PCNX2: variants seen among roughly 807,000 people sequenced by gnomAD.
PCNX2 encodes the protein pecanex 2.
In PCNX2, 168 loss-of-function variants were observed where a neutral mutation model predicts 223.8. The ratio of observed to expected loss-of-function variants is 0.75; its 90% CI spans 0.66 to 0.85. The LOEUF (loss-of-function observed/expected upper bound fraction) is 0.85, where lower values mean the gene tolerates loss of function less well. Ranked by LOEUF, PCNX2 falls within the 40% of genes least tolerant of loss-of-function variation. The pLI is 0.00. For missense variants in PCNX2, 2,507 were observed against 2,675.5 expected, an observed-to-expected ratio of 0.94 and a Z score of 1.39; for synonymous variants, 1,006 against 1,052.6, an observed-to-expected ratio of 0.96 and a Z score of 0.86.
At position 233,000,327 on chromosome 1, in the gene PCNX2, A is replaced by G; in HGVS notation, c.5306T>C (p.Phe1769Ser). ...TACCTTGATCACCTTGAAGCTCAGG[A>G]AGCTTCTGTGGAGCATGATGACCTT... ...EYKVIMLHRS[F>S]LSFKVIKVNK... The change falls in exon 30 of 34, where the codon TTC (phenylalanine) becomes TCC (serine). Residue 1769 changes from phenylalanine (F) to serine (S), a missense_variant. Physicochemically the swap from Phe to Ser is radical, Grantham distance 155. Coordinates refer to ENST00000258229, the MANE Select transcript of PCNX2 (RefSeq NM_014801.4). This position sits in a 1 kb window ranked among gnomAD's most constrained non-coding sequence, Gnocchi z 4.6. The G allele has an allele frequency of 6.2e-7, 1 of 1,613,964 alleles. No homozygotes were observed. The highest frequency in any genetic ancestry group is 8.5e-7 in the Non-Finnish European group (1 of 1,179,866).
the PCNX2 span, among the ~76,000 whole-genome samples, chr1:233,300,908 G>A: frequency 6.6e-6 from 1 of 152,084 alleles, no homozygotes; most frequent in Non-Finnish European, 1.5e-5. Flanking sequence ...TTTGCTTTTA[G>A]TCCATGGGCC....
intron 21 of PCNX2, among the ~76,000 whole-genome samples, chr1:233,096,209 T>A (rs1674155599): frequency 6.6e-6 from 1 of 152,216 alleles, no homozygotes; most frequent in Non-Finnish European, 1.5e-5. Context: ...CAGAAACCTA[T>A]CATCATTTGA....
At chr1:233,200,382 T>TA (rs1681002268) in intron 13 of PCNX2, 118 bp from the exon 14 acceptor site, 31 of 366,124 alleles carry the variant, frequency 8.5e-5, no homozygotes, top group East Asian at 1.4e-4. Flanking sequence ...CTGGAGGCAA[T>TA]CTTTTTTTTT....
At chr1:233,268,399 G>A (rs918192010) in intron 1 of PCNX2, among the ~76,000 whole-genome samples, 3 of 152,164 alleles carry the variant, frequency 2.0e-5, no homozygotes, top group Non-Finnish European at 2.9e-5. Flanking sequence ...AGAATCAACC[G>A]CTGCTGAGGG....
intron 10 of PCNX2, among the ~76,000 whole-genome samples, chr1:233,219,396 C>T (rs1295538055): frequency 6.6e-6 from 1 of 151,864 alleles, no homozygotes; most frequent in Non-Finnish European, 1.5e-5. Context: ...CAGGGTGAGG[C>T]CATGGAAGGA....
At chr1:233,315,929 A>T in the PCNX2 span, among the ~76,000 whole-genome samples, 2 of 152,172 alleles carry the variant, frequency 1.3e-5, no homozygotes, top group Admixed American at 1.3e-4. Context: ...AATAAAACCA[A>T]TTTTCATCAG....
chr1:233,288,804 CTTTT>C (rs10558976), intron 1 of PCNX2: 22,539 of 421,994 alleles, frequency 0.053, 1 homozygote, highest in East Asian at 0.089. Flanking sequence ...GAAAGATGCC[CTTTT>C]TTTTTTTTTT....
rs542997225 is a variant in PCNX2 at position 233,263,437 on chromosome 1, C to T, written c.154-274G>A. Among the ~76,000 whole-genome samples, 419 of 148,220 alleles carry T rather than the reference C, an allele frequency of 2.8e-3. 3 individuals carry two copies. The highest frequency in any genetic ancestry group is 2.0e-3 in the Non-Finnish European group (137 of 67,512). On this transcript the variant is annotated intron_variant, in intron 1 of 33. Transcript: ENST00000258229. ...AACCCCACAGAACAAAAGATATATT[C>T]GAGGAAACCTCTCCATTTTTTTTTT...
intron 10 of PCNX2, among the ~76,000 whole-genome samples, chr1:233,222,231 G>T (rs1338412670): frequency 6.6e-6 from 1 of 152,184 alleles, no homozygotes; most frequent in East Asian, 1.9e-4. Context: ...ATGGAGAAAA[G>T]TCCACAGGGA....
intron 10 of PCNX2, among the ~76,000 whole-genome samples, chr1:233,224,126 T>C (rs986982096): frequency 1.3e-5 from 2 of 152,352 alleles, no homozygotes; most frequent in East Asian, 3.9e-4. Context: ...ACAGGTGCTT[T>C]GGTTCATATT....
In PCNX2 at chr1:232,991,902, G is replaced by C. The variant is rs561786908; in HGVS notation, c.5792-5362C>G. Among the ~76,000 whole-genome samples, 3 of 152,250 alleles carry C rather than the reference G, an allele frequency of 2.0e-5. No homozygotes were observed. In the East Asian group the frequency reaches 5.8e-4, roughly 29 times the overall value. On this transcript the variant is annotated intron_variant, in intron 32 of 33. Coordinates refer to ENST00000258229, the MANE Select transcript of PCNX2 (RefSeq NM_014801.4). The surrounding 1 kb of genome is among the most constrained non-coding windows in gnomAD (Gnocchi z 4.3). Reference sequence around the variant, plus strand: ...CACCTGAGCCATGGTACTTTGTCATGGCAGCCCAAGCAGACTCACACATTC... The same window carrying C: ...CACCTGAGCCATGGTACTTTGTCATCGCAGCCCAAGCAGACTCACACATTC...
intron 23 of PCNX2, among the ~76,000 whole-genome samples, chr1:233,084,407 T>A (rs1419900156): frequency 6.6e-6 from 1 of 152,234 alleles, no homozygotes; most frequent in Non-Finnish European, 1.5e-5. Flanking sequence ...TAGATGATGC[T>A]TAATACACAT....
intron 19 of PCNX2, among the ~76,000 whole-genome samples, chr1:233,155,974 T>C (rs1019629659): frequency 4.6e-5 from 7 of 152,186 alleles, no homozygotes; most frequent in Non-Finnish European, 8.8e-5. Context: ...GGGGGAAATA[T>C]GGCAATTTTT....
At chr1:233,305,192 T>G in the PCNX2 span, among the ~76,000 whole-genome samples, 1 of 152,120 alleles carries the variant, frequency 6.6e-6, no homozygotes, top group African/African-American at 2.4e-5. Flanking sequence ...TGTATATAGC[T>G]CCTTTATTCT....
chr1:233,053,061 C>A (rs970147839), intron 25 of PCNX2, among the ~76,000 whole-genome samples: 2 of 151,998 alleles, frequency 1.3e-5, no homozygotes, highest in African/African-American at 2.4e-5. Context: ...ATATTCTCCA[C>A]ACAGCCACCA....
intron 33 of PCNX2, chr1:232,985,831 C>A: frequency 3.3e-6 from 2 of 603,782 alleles, no homozygotes; most frequent in Non-Finnish European, 5.9e-6. Context: ...TTCTGCAGAA[C>A]CTCTGTATCC....
chr1:233,169,644 C>CAAAAAAA (rs200439765), intron 17 of PCNX2, among the ~76,000 whole-genome samples: 3 of 68,902 alleles, frequency 4.4e-5, no homozygotes, highest in African/African-American at 1.7e-4. Context: ...AACTCCGTCT[C>CAAAAAAA]AAAAAAAAAA....
At chr1:233,201,168 A>G (rs1681090537) in intron 13 of PCNX2, among the ~76,000 whole-genome samples, 1 of 151,150 alleles carries the variant, frequency 6.6e-6, no homozygotes, top group Non-Finnish European at 1.5e-5. Context: ...GTACTGAGGA[A>G]CTGTTCCAAG....
At chr1:233,182,898 T>C (rs1679882558) in intron 15 of PCNX2, among the ~76,000 whole-genome samples, 1 of 152,188 alleles carries the variant, frequency 6.6e-6, no homozygotes, top group Non-Finnish European at 1.5e-5. Flanking sequence ...AGGGTAGCAT[T>C]TAAAGTGTCT....
Sources: allele counts gnomAD v4.1 joint callset (sites outside exome capture counted in the v4.1 genomes callset), GRCh38; gene constraint gnomAD v4.1.1; non-coding constraint Gnocchi (gnomAD v3.1); transcripts MANE v1.5; gene names NCBI Gene and HGNC (gene_info 2026-07-23, HGNC 2026-07-21).